Variants in CORO7 observed in about 807,000 individuals in gnomAD.
CORO7 encodes the protein coronin-7.
A neutral mutation model predicts 126.6 loss-of-function variants in CORO7; 107 were observed. That is an observed-to-expected ratio of 0.85 (90% CI 0.72 to 0.99). The LOEUF (loss-of-function observed/expected upper bound fraction) is 0.99. Among genes scored for constraint, CORO7 ranks in the 50% least tolerant of loss-of-function variants. CORO7 has a pLI of 0.00. For synonymous variants in CORO7, 603 were observed against 536.8 expected, an observed-to-expected ratio of 1.12 and a Z score of -1.70; for missense variants, 1,314 against 1,255.8, an observed-to-expected ratio of 1.05 and a Z score of -0.70.
chr16:4,396,011 T>TGTGTGTGTGTAC (rs1370006818), intron 6 of CORO7, among the ~76,000 whole-genome samples: 5,135 of 151,636 alleles, frequency 0.034, 301 homozygotes, highest in African/African-American at 0.12. Context: ...TGTGTGTGTG[T>TGTGTGTGTGTAC]ACACAAACAT....
At position 4,395,303 on chromosome 16, in the gene CORO7, G is replaced by A. The variant is rs1245047662; in HGVS notation, c.601C>T (p.Pro201Ser). 1.2e-6 allele frequency: 2 copies of A among 1,613,968 alleles called. No homozygotes were observed. Among genetic ancestry groups the A allele is most frequent in the African/African-American group, 2.7e-5 (2 of 74,928 alleles). ...QLRIFDPRTKPRASQSTQAHE... is the reference protein window; with the variant it reads ...QLRIFDPRTKSRASQSTQAHE... ...ACACAACTCACCTGAGAGGCCCGCG[G>A]CTTTGTTCTGGGGTCAAAGATCCGC... The change falls in exon 7 of 28, where the codon CCG becomes TCG. Residue 201 changes from proline to serine, a missense_variant. Physicochemically the swap from Pro to Ser is moderately conservative, Grantham distance 74 (BLOSUM62 -1). Coordinates refer to ENST00000251166, the MANE Select transcript of CORO7 (RefSeq NM_024535.5).
In CORO7 at chr16:4,412,366, G is replaced by C. The variant is rs1344771623; in HGVS notation, c.222C>G (p.Gly74=). ...GEDKRRVAHL[G]CHSDLVTDLD... Reference sequence around the variant, plus strand: ...CAGACACCCACTCACCTGAATGGCAGCCCAGGTGGGCCACGCGTCGCTTGT... The same window carrying C: ...CAGACACCCACTCACCTGAATGGCACCCCAGGTGGGCCACGCGTCGCTTGT... Residue 74 remains glycine (G), a synonymous_variant, in exon 3 of 28, where the codon GGC becomes GGG. Coordinates refer to ENST00000251166, the MANE Select transcript of CORO7 (RefSeq NM_024535.5). 6.2e-7 allele frequency: 1 copy of C among 1,614,188 alleles called. No homozygotes were observed. The highest frequency in any genetic ancestry group is 2.2e-5 in the East Asian group (1 of 44,876).
At chr16:4,412,184 A>C (rs189087168) in intron 3 of CORO7, among the ~76,000 whole-genome samples, 172 bp downstream of exon 3, 1 of 152,230 alleles carries the variant, frequency 6.6e-6, no homozygotes, top group Non-Finnish European at 1.5e-5. Flanking sequence ...CCGGAATTCT[A>C]CACCAGGAGG....
chr16:4,382,240 C>T (rs959510538), intron 9 of CORO7: 1 of 1,607,240 alleles, frequency 6.2e-7, no homozygotes, highest in Non-Finnish European at 8.5e-7. Context: ...CAGCCCTACA[C>T]CAGTCACGCC....
intron 9 of CORO7, among the ~76,000 whole-genome samples, chr16:4,384,952 T>G (rs1310864902): frequency 1.8e-5 from 2 of 112,452 alleles, no homozygotes; most frequent in African/African-American, 3.5e-5. Flanking sequence ...CCTGGCCGAG[T>G]GGGATGGTGG....
chr16:4,408,351 A>G lies in CORO7; in HGVS notation c.233-100T>C, dbSNP rs370630997. 13 of 1,533,380 alleles carry G rather than the reference A, an allele frequency of 8.5e-6. No homozygotes were observed. The African/African-American group carries it at 1.5e-4, about 18-fold the overall frequency. 95.0% of individuals were successfully genotyped at this position (1,533,380 alleles called of 1,614,324 possible). On this transcript the variant is annotated intron_variant, in intron 3 of 27. Coordinates refer to ENST00000251166, the MANE Select transcript of CORO7 (RefSeq NM_024535.5). The stretch of plus-strand genomic sequence containing the variant: ...CGAGGTGACACTTTTGTGTGCACAC[A>G]GAAACAGGCTACAAGTCTACAAGGG...
chr16:4,415,211 C>G (rs774108865), intron 1 of CORO7, among the ~76,000 whole-genome samples: 2 of 152,120 alleles, frequency 1.3e-5, no homozygotes, highest in East Asian at 1.9e-4. Flanking sequence ...CAACTTCTTC[C>G]GGTGGCCCTT....
intron 6 of CORO7, among the ~76,000 whole-genome samples, chr16:4,400,986 T>A (rs1012747905): frequency 6.6e-6 from 1 of 152,042 alleles, no homozygotes; most frequent in Non-Finnish European, 1.5e-5. Context: ...AAATAGTCCA[T>A]CAACTAAAAC....
intron 26 of CORO7, 149 bp downstream of exon 26, chr16:4,357,019 G>A (rs2053996663): frequency 1.8e-6 from 2 of 1,090,932 alleles, no homozygotes; most frequent in South Asian, 2.8e-5. Context: ...GTAGGGCTCT[G>A]GAAGGTCTCC....
intron 1 of CORO7, among the ~76,000 whole-genome samples, chr16:4,416,137 G>T (rs1279966564): frequency 6.6e-6 from 1 of 152,142 alleles, no homozygotes; most frequent in Non-Finnish European, 1.5e-5. Context: ...ACCGGAAGCT[G>T]GGAAGGCAGG....
chr16:4,360,635 G>A (rs913443150), intron 19 of CORO7, 87 bp from the exon 20 acceptor site: 3 of 1,479,120 alleles, frequency 2.0e-6, no homozygotes, highest in African/African-American at 2.8e-5. Context: ...CTCACTGCTG[G>A]CGCCGCCCCT....
At position 4,357,787 on chromosome 16, in the gene CORO7, G is replaced by A. The variant is rs370755840; in HGVS notation, c.2593+181C>T. 49 of 1,140,316 alleles carry A rather than the reference G, an allele frequency of 4.3e-5. No individual in the cohort carries two copies. In the African/African-American group the frequency reaches 6.4e-4, roughly 15 times the overall value. The allele number at this position is 1,140,316 out of a possible 1,614,324, so 70.6% of individuals were successfully genotyped here. On this transcript the variant is annotated intron_variant, in intron 25 of 27. Transcript: ENST00000251166. Reference sequence around the variant, plus strand: ...TGTGTTAGGGGTGGGGACCTGTGATGAAAACACAGACCACGAGCCCTGCCC... The same window carrying A: ...TGTGTTAGGGGTGGGGACCTGTGATAAAAACACAGACCACGAGCCCTGCCC...
At position 4,360,556 on chromosome 16, in the gene CORO7, C is replaced by G; in HGVS notation, c.1918-8G>C. The G allele has an allele frequency of 6.3e-7, 1 of 1,590,362 alleles. No individual in the cohort carries two copies. The highest frequency in any genetic ancestry group is 8.6e-7 in the Non-Finnish European group (1 of 1,169,072). On this transcript the variant is annotated splice_polypyrimidine_tract_variant and splice_region_variant and intron_variant, in intron 19 of 27. Coordinates refer to ENST00000251166, the MANE Select transcript of CORO7 (RefSeq NM_024535.5). ...CCAGGCCAGGCTGAAGATCTGGGGG[C>G]AGGAAGGGATATGAGAGACAGCCTT...
chr16:4,371,486 G>T (rs1407946180), intron 9 of CORO7, among the ~76,000 whole-genome samples: 1 of 152,272 alleles, frequency 6.6e-6, no homozygotes, highest in East Asian at 1.9e-4. Context: ...CCCCACTCCC[G>T]CCATCCTGCC....
At chr16:4,394,891 T>G (rs1234328048) in intron 7 of CORO7, among the ~76,000 whole-genome samples, 2 of 152,226 alleles carry the variant, frequency 1.3e-5, no homozygotes, top group African/African-American at 4.8e-5. Context: ...CTGTACGTTT[T>G]GACAGGTCCC....
chr16:4,415,269 G>C (rs961284015), intron 1 of CORO7, among the ~76,000 whole-genome samples: 1 of 152,072 alleles, frequency 6.6e-6, no homozygotes, highest in African/African-American at 2.4e-5. Context: ...TACTGCTCCG[G>C]CCATCCCCTC....
At chr16:4,391,280 G>A (rs1295629381) in intron 7 of CORO7, among the ~76,000 whole-genome samples, 1 of 152,134 alleles carries the variant, frequency 6.6e-6, no homozygotes, top group African/African-American at 2.4e-5. Context: ...CACTAGGCCG[G>A]CACAGTGGCT....
At chr16:4,361,275 A>G (rs2054171121) in intron 17 of CORO7, 27 bp from the exon 18 acceptor site, 6 of 1,611,846 alleles carry the variant, frequency 3.7e-6, no homozygotes, top group Non-Finnish European at 5.1e-6. Context: ...GGGGCTCATC[A>G]TTGCTGAGCC....
chr16:4,415,956 GC>G, intron 1 of CORO7: 1 of 913,488 alleles, frequency 1.1e-6, no homozygotes, highest in Non-Finnish European at 1.3e-6. Context: ...AGGGAGGGGC[GC>G]GTGCGGCCGA....
Sources: gnomAD v4.1 joint callset for allele counts (sites outside exome capture counted in the v4.1 genomes callset) on GRCh38, gnomAD v4.1.1 for gene constraint, MANE v1.5 for transcripts, NCBI Gene and HGNC (gene_info 2026-07-23, HGNC 2026-07-21) for gene names.